Variants in ROBO1 observed in about 807,000 individuals in gnomAD.
ROBO1 encodes the protein roundabout guidance receptor 1.
A neutral mutation model predicts 195.9 loss-of-function variants in ROBO1; 149 were observed. That is an observed-to-expected ratio of 0.76 (90% confidence interval 0.67 to 0.87). The LOEUF is 0.87. ROBO1 is among the 40% of genes least tolerant of loss of function. ROBO1 has a pLI of 0.00. For synonymous variants in ROBO1, 816 were observed against 733.2 expected, an observed-to-expected ratio of 1.11 and a Z score of -1.82; for missense variants, 1,933 against 2,068.3, an observed-to-expected ratio of 0.93 and a Z score of 1.27.
chr3:78,807,408 T>C (rs1021503553), intron 4 of ROBO1, among the ~76,000 whole-genome samples: 1 of 152,162 alleles, frequency 6.6e-6, no homozygotes, highest in Admixed American at 6.5e-5. Flanking sequence ...AGGAATAACA[T>C]AGGAAACTGG....
At chr3:79,599,325 A>G (rs1305298747) in intron 1 of ROBO1, among the ~76,000 whole-genome samples, 1 of 152,040 alleles carries the variant, frequency 6.6e-6, no homozygotes, top group East Asian at 1.9e-4. Context: ...CATGGTTTAA[A>G]GCAATAATTG....
intron 1 of ROBO1, among the ~76,000 whole-genome samples, chr3:79,654,028 T>C (rs930496909): frequency 2.0e-5 from 3 of 152,006 alleles, no homozygotes; most frequent in Non-Finnish European, 4.4e-5. Flanking sequence ...CCTTATGACA[T>C]ATCCAGAACA....
chr3:79,350,966 A>C (rs1186994908), intron 2 of ROBO1, among the ~76,000 whole-genome samples: 1 of 152,100 alleles, frequency 6.6e-6, no homozygotes. Context: ...AGTAGCTGTG[A>C]CTACAGTTAT....
At chr3:79,752,951 T>C (rs147193081) in intron 1 of ROBO1, among the ~76,000 whole-genome samples, 1 of 152,148 alleles carries the variant, frequency 6.6e-6, no homozygotes, top group Non-Finnish European at 1.5e-5. Flanking sequence ...GTGGGGAAAA[T>C]CTAATACGAT....
intron 3 of ROBO1, among the ~76,000 whole-genome samples, chr3:79,012,841 C>T (rs866301585): frequency 1.3e-5 from 2 of 152,252 alleles, no homozygotes; most frequent in Middle Eastern, 3.4e-3. Context: ...TCCCTGTACA[C>T]TACAGATCAT....
intron 2 of ROBO1, among the ~76,000 whole-genome samples, chr3:79,195,721 T>C (rs1224845794): frequency 6.6e-6 from 1 of 151,538 alleles, no homozygotes; most frequent in Non-Finnish European, 1.5e-5. Context: ...TTTCAACATT[T>C]GAAACTATTG....
chr3:79,504,468 T>A (rs1386329347), intron 2 of ROBO1, among the ~76,000 whole-genome samples: 1 of 152,148 alleles, frequency 6.6e-6, no homozygotes, highest in Non-Finnish European at 1.5e-5. Context: ...TTAAGCCAAA[T>A]ATGAAATTAT....
intron 4 of ROBO1, among the ~76,000 whole-genome samples, chr3:78,922,218 A>T (rs2107602869): frequency 6.6e-6 from 1 of 152,298 alleles, no homozygotes; most frequent in Middle Eastern, 3.4e-3. Context: ...AAGACCAAAA[A>T]ACTAACCTCT....
At chr3:79,128,322 T>G (rs1184548827) in intron 2 of ROBO1, among the ~76,000 whole-genome samples, 3 of 152,126 alleles carry the variant, frequency 2.0e-5, no homozygotes, top group Admixed American at 6.6e-5. Context: ...GGGTTTTATG[T>G]GTCTGTCACC....
At chr3:79,510,020 A>T (rs943556636) in intron 2 of ROBO1, among the ~76,000 whole-genome samples, 3 of 152,010 alleles carry the variant, frequency 2.0e-5, no homozygotes, top group African/African-American at 7.2e-5. Flanking sequence ...AAAACCAACC[A>T]TTCATACAAA....
At chr3:78,769,618 GTTTTTT>G (rs34157314) in intron 4 of ROBO1, among the ~76,000 whole-genome samples, 1 of 84,004 alleles carries the variant, frequency 1.2e-5, no homozygotes, top group Non-Finnish European at 2.2e-5. Context: ...GTGTACTTTG[GTTTTTT>G]TTTTTTTTTT....
intron 2 of ROBO1, among the ~76,000 whole-genome samples, chr3:79,350,127 G>A (rs2035281574): frequency 6.6e-6 from 1 of 152,134 alleles, no homozygotes; most frequent in Admixed American, 6.5e-5. Flanking sequence ...ATGGACAAAT[G>A]ATCTGAATGG....
intron 2 of ROBO1, among the ~76,000 whole-genome samples, chr3:79,544,083 T>C (rs2107650274): frequency 6.6e-6 from 1 of 152,120 alleles, no homozygotes; most frequent in African/African-American, 2.4e-5. Context: ...TCAACTGAGT[T>C]TTCATTAGGC....
chr3:79,099,930 G>A (rs1364185512), intron 3 of ROBO1, among the ~76,000 whole-genome samples: 1 of 151,726 alleles, frequency 6.6e-6, no homozygotes, highest in Non-Finnish European at 1.5e-5. Flanking sequence ...GAATTGGAAG[G>A]AGACCAGTAA....
At chr3:79,149,391 C>T (rs1215576184) in intron 2 of ROBO1, among the ~76,000 whole-genome samples, 1 of 151,734 alleles carries the variant, frequency 6.6e-6, no homozygotes, top group African/African-American at 2.4e-5. Context: ...ATGTTGTGTG[C>T]TTCTTCTATT....
chr3:79,558,783 G>T (rs962360944), intron 2 of ROBO1, among the ~76,000 whole-genome samples: 3 of 152,114 alleles, frequency 2.0e-5, no homozygotes, highest in Admixed American at 2.0e-4. Flanking sequence ...CACAATAGCA[G>T]AGTATGTGCA....
chr3:79,113,344 A>T (rs1026895660), intron 3 of ROBO1, among the ~76,000 whole-genome samples: 2 of 152,008 alleles, frequency 1.3e-5, no homozygotes, highest in African/African-American at 4.8e-5. Context: ...TGAATCAGCA[A>T]TTGGCAAAAT....
chr3:78,731,930 A>C (rs966210580), intron 5 of ROBO1, among the ~76,000 whole-genome samples: 2 of 152,154 alleles, frequency 1.3e-5, no homozygotes, highest in Admixed American at 6.5e-5. Context: ...AACAATCTGT[A>C]TTACTGGTAT....
chr3:79,125,640 C>A (rs766762706), intron 2 of ROBO1, 101 bp from the exon 3 acceptor site: 4 of 835,892 alleles, frequency 4.8e-6, no homozygotes, highest in Non-Finnish European at 8.0e-6. Flanking sequence ...CCACATGTGA[C>A]AGAAAAACAC....
Sources: gnomAD v4.1 joint callset for allele counts (sites outside exome capture counted in the v4.1 genomes callset) on GRCh38, gnomAD v4.1.1 for gene constraint, MANE v1.5 for transcripts, NCBI Gene and HGNC (gene_info 2026-07-23, HGNC 2026-07-21) for gene names.